The following PRKCA variants were observed in gnomAD, a reference collection of about 807,000 sequenced individuals.
PRKCA encodes the protein protein kinase C alpha.
A neutral mutation model predicts 87.0 loss-of-function variants in PRKCA; 27 were observed. The ratio of observed to expected loss-of-function variants is 0.31; its 90% CI spans 0.23 to 0.43. The LOEUF (loss-of-function observed/expected upper bound fraction) is 0.43. PRKCA is among the 20% of genes least tolerant of loss of function. The probability of loss-of-function intolerance (pLI) is 1.00; values close to 1 mark genes in which losing one functional copy is unlikely to be tolerated. For synonymous variants in PRKCA, 329 were observed against 311.1 expected (o/e 1.06, Z -0.61); for missense variants, 518 against 852.3 (o/e 0.61, Z 4.88).
intron 13 of PRKCA, among the ~76,000 whole-genome samples, chr17:66,756,654 T>TGGTTTTTG (rs1386022497): frequency 1.3e-5 from 2 of 152,058 alleles, no homozygotes; most frequent in African/African-American, 2.4e-5. Context: ...TTTTGTTTTT[T>TGGTTTTTG]GGTTTTTGGG....
intron 2 of PRKCA, among the ~76,000 whole-genome samples, chr17:66,494,473 C>T (rs184987858): frequency 4.6e-5 from 7 of 152,222 alleles, no homozygotes; most frequent in African/African-American, 1.4e-4. Flanking sequence ...AAAGGGGGCT[C>T]TACTCACCTT....
chr17:66,368,386 A>ATT (rs1180540465), intron 2 of PRKCA, among the ~76,000 whole-genome samples: 40 of 25,464 alleles, frequency 1.6e-3, no homozygotes, highest in African/African-American at 3.6e-3. Flanking sequence ...ATATATATAT[A>ATT]TTTTTTTTTT....
Position 66,810,302 on chromosome 17 carries a change from T to C in PRKCA, c.*6265T>C, listed in dbSNP as rs950837912. ...GGTTTACTAGAATATTCAAAATCAA[T>C]CATGAAGGCAGTTACTATTTTGAGT... On this transcript the variant is annotated 3_prime_UTR_variant, in exon 17 of 17. Coordinates refer to ENST00000413366, the MANE Select transcript of PRKCA (RefSeq NM_002737.3). 2.0e-5 allele frequency: 3 copies of C among 152,204 alleles called. No homozygotes were observed. Among genetic ancestry groups the C allele is most frequent in the Non-Finnish European group, 4.4e-5 (3 of 68,022 alleles). The allele number at this position is 152,204 out of a possible 1,614,324, so 9.4% of individuals were successfully genotyped here.
At chr17:66,375,697 T>C (rs1046865313) in intron 2 of PRKCA, among the ~76,000 whole-genome samples, 3 of 152,190 alleles carry the variant, frequency 2.0e-5, no homozygotes, top group Non-Finnish European at 4.4e-5. Context: ...TAGGCTTGTT[T>C]TACACTTCAG....
chr17:66,730,270 T>C lies in PRKCA; in HGVS notation c.919-2418T>C, dbSNP rs561922329. Among the ~76,000 whole-genome samples, 6 of 152,150 alleles carry C rather than the reference T, an allele frequency of 3.9e-5. No homozygotes were observed. In the East Asian group the frequency reaches 7.7e-4, roughly 20 times the overall value. On this transcript the variant is annotated intron_variant, in intron 8 of 16. Transcript: ENST00000413366. ...CAGTGTCACAGGGTGAACCCCAAAA[T>C]TGGGGTTCAGCCTAAGAGGCCACAT...
intron 2 of PRKCA, among the ~76,000 whole-genome samples, chr17:66,492,944 G>A (rs192811437): frequency 2.6e-5 from 4 of 152,276 alleles, no homozygotes; most frequent in East Asian, 1.9e-4. Context: ...TGTGGCCAGC[G>A]TGCTGGGCAG....
In PRKCA at chr17:66,808,347, G is replaced by C. The variant is rs1038992791; in HGVS notation, c.*4310G>C. ...GTTTTTTTTTTTTTTGCTGGAATTT[G>C]TTTTCTCAGTACTGAAAAGAGAAAA... On this transcript the variant is annotated 3_prime_UTR_variant, in exon 17 of 17. Coordinates refer to ENST00000413366, the MANE Select transcript of PRKCA (RefSeq NM_002737.3). 2 of 121,404 alleles carry C rather than the reference G, an allele frequency of 1.6e-5. No homozygotes were observed. Among genetic ancestry groups the C allele is most frequent in the Admixed American group, 8.3e-5 (1 of 12,002 alleles). 7.5% of individuals were successfully genotyped at this position (121,404 alleles called of 1,614,324 possible).
intron 1 of PRKCA, 94 bp downstream of exon 1, chr17:66,303,118 C>T (rs1235555490): frequency 6.7e-7 from 1 of 1,491,112 alleles, no homozygotes; most frequent in African/African-American, 1.5e-5. Context: ...GGCTGGCTCA[C>T]TCCGATAACT....
At chr17:66,348,696 T>G (rs1243232988) in intron 2 of PRKCA, among the ~76,000 whole-genome samples, 1 of 152,204 alleles carries the variant, frequency 6.6e-6, no homozygotes, top group African/African-American at 2.4e-5. Context: ...CTCTGTGTTG[T>G]GTTAAGATGG....
chr17:66,778,241 C>A, intron 14 of PRKCA: 1 of 979,288 alleles, frequency 1.0e-6, no homozygotes, highest in Non-Finnish European at 1.2e-6. Context: ...TGGCTGGGCC[C>A]GGTGGCTCAC....
chr17:66,451,546 G>A (rs1315033967), intron 2 of PRKCA, among the ~76,000 whole-genome samples: 1 of 152,112 alleles, frequency 6.6e-6, no homozygotes, highest in Non-Finnish European at 1.5e-5. Flanking sequence ...CAGGAGAAGA[G>A]GGATTTTAAT....
In PRKCA at chr17:66,732,756, C is replaced by T. The variant is rs144350196; in HGVS notation, c.987C>T (p.Asn329=). ...CTGAAGACAGGAAACAACCTTCCAA[C>T]AACCTTGACCGAGTGAAACTCACGG... ...SPSEDRKQPS[N]NLDRVKLTDF... is the part of the protein sequence containing the mutation. The change falls in exon 9 of 17, where the codon AAC becomes AAT. Residue 329 remains asparagine (N), a synonymous_variant. Coordinates refer to ENST00000413366, the MANE Select transcript of PRKCA (RefSeq NM_002737.3). 2.1e-5 allele frequency: 34 copies of T among 1,614,116 alleles called. No homozygotes were observed. The African/African-American group carries it at 2.3e-4, about 11-fold the overall frequency.
chr17:66,389,369 C>T (rs1007405050), intron 2 of PRKCA, among the ~76,000 whole-genome samples: 4 of 152,158 alleles, frequency 2.6e-5, no homozygotes, highest in Non-Finnish European at 2.9e-5. Context: ...GAACAGCACG[C>T]GGGGTTCAGG....
chr17:66,391,377 T>C (rs979280533), intron 2 of PRKCA, among the ~76,000 whole-genome samples: 1 of 152,198 alleles, frequency 6.6e-6, no homozygotes, highest in Non-Finnish European at 1.5e-5. Context: ...GATGTTCCTC[T>C]CCTTCCTTAC....
chr17:66,509,059 C>T (rs1302210175), intron 3 of PRKCA, among the ~76,000 whole-genome samples: 1 of 152,120 alleles, frequency 6.6e-6, no homozygotes, highest in African/African-American at 2.4e-5. Context: ...AGTGTACACA[C>T]ACTTAATAGG....
intron 13 of PRKCA, among the ~76,000 whole-genome samples, chr17:66,763,261 GGGTACAGAAGTGGATGGCCC>G (rs1974725095): frequency 6.6e-6 from 1 of 152,188 alleles, no homozygotes; most frequent in South Asian, 2.1e-4. Flanking sequence ...TCCTGGTGCT[GGGTACAGAAGTGGATGGCCC>G]AGCCCCAACC....
chr17:66,556,780 C>T (rs7208913), intron 3 of PRKCA, among the ~76,000 whole-genome samples: 2 of 151,992 alleles, frequency 1.3e-5, no homozygotes, highest in Non-Finnish European at 2.9e-5. Context: ...CATCCCCTTC[C>T]ACCATGATTT....
chr17:66,434,413 A>G (rs1913259317), intron 2 of PRKCA, among the ~76,000 whole-genome samples: 1 of 152,120 alleles, frequency 6.6e-6, no homozygotes, highest in South Asian at 2.1e-4. Flanking sequence ...GCTTTCAATG[A>G]TGATTTGGGA....
In PRKCA at chr17:66,366,638, G is replaced by A. The variant is rs749657753; in HGVS notation, c.205+60511G>A. 3.0e-4 allele frequency among the ~76,000 whole-genome samples: 46 copies of A among 152,174 alleles called. 1 individual carries two copies. Among genetic ancestry groups the A allele is most frequent in the African/African-American group, 9.7e-5 (4 of 41,444 alleles). On this transcript the variant is annotated intron_variant, in intron 2 of 16. Coordinates refer to ENST00000413366, the MANE Select transcript of PRKCA (RefSeq NM_002737.3). ...GCTAGCAGAACTAGAAGAGAAAGGAGAATGAGAAGTAACTCACAGGCCAGC... is the reference window on the plus strand; with the variant it reads ...GCTAGCAGAACTAGAAGAGAAAGGAAAATGAGAAGTAACTCACAGGCCAGC...
Sources: gnomAD v4.1 joint callset for allele counts (sites outside exome capture counted in the v4.1 genomes callset) on GRCh38, gnomAD v4.1.1 for gene constraint, MANE v1.5 for transcripts, NCBI Gene and HGNC (gene_info 2026-07-23, HGNC 2026-07-21) for gene names.